Variants in LINGO2 observed in about 807,000 individuals in gnomAD.
LINGO2 encodes the protein leucine-rich repeat and immunoglobulin-like domain-containing nogo receptor-interacting protein 2.
In LINGO2, 14 loss-of-function variants were observed where a neutral mutation model predicts 30.6. The ratio of observed to expected loss-of-function variants is 0.46; its 90% CI spans 0.30 to 0.72. The LOEUF is 0.72. LINGO2 is among the 30% of genes least tolerant of loss of function. LINGO2 has a pLI of 0.07. For missense variants in LINGO2, 729 were observed against 751.7 expected (o/e 0.97, Z 0.35); for synonymous variants, 317 against 288.5 (o/e 1.10, Z -1.00).
At chr9:29,055,423 T>TCACCA in the LINGO2 span, among the ~76,000 whole-genome samples, 14 of 152,216 alleles carry the variant, frequency 9.2e-5, no homozygotes, top group African/African-American at 3.4e-4. Context: ...TCCGTGCATA[T>TCACCA]CACCACATTT....
At chr9:28,219,489 C>T (rs1820884632) in intron 4 of LINGO2, among the ~76,000 whole-genome samples, 1 of 152,094 alleles carries the variant, frequency 6.6e-6, no homozygotes, top group Admixed American at 6.6e-5. Flanking sequence ...ATTGTCAATA[C>T]ATTTATTTCT....
chr9:28,122,414 G>C lies in LINGO2; in HGVS notation c.-86-110009C>G, dbSNP rs148324852. ...GGGCTTCACTACATTCCAAATAAAT[G>C]AAAAATCTTATTGAAACTCACATCT... is the stretch of plus-strand genomic sequence containing the variant. On this transcript the variant is annotated intron_variant, in intron 4 of 5. Coordinates refer to ENST00000379992, the Ensembl canonical transcript of LINGO2. 5.9e-5 allele frequency among the ~76,000 whole-genome samples: 9 copies of C among 152,230 alleles called. No individual in the cohort carries two copies. The East Asian group carries it at 1.7e-3, about 29-fold the overall frequency.
the LINGO2 span, among the ~76,000 whole-genome samples, chr9:28,706,295 A>G: frequency 6.6e-6 from 1 of 152,164 alleles, no homozygotes; most frequent in Non-Finnish European, 1.5e-5. Context: ...CTGCATAAAC[A>G]ACAAAGGCAT....
At chr9:28,053,858 G>A (rs1043712673) in intron 4 of LINGO2, among the ~76,000 whole-genome samples, 1 of 152,062 alleles carries the variant, frequency 6.6e-6, no homozygotes, top group Admixed American at 6.6e-5. Context: ...CTCTAATTGG[G>A]AACACAGCTC....
At chr9:28,367,927 CA>C (rs1820740715) in intron 3 of LINGO2, among the ~76,000 whole-genome samples, 1 of 151,744 alleles carries the variant, frequency 6.6e-6, no homozygotes, top group African/African-American at 2.4e-5. Flanking sequence ...TCATTTTTTT[CA>C]ACTTTCTGGA....
intron 4 of LINGO2, among the ~76,000 whole-genome samples, chr9:28,093,530 T>G (rs958370172): frequency 4.0e-5 from 6 of 149,222 alleles, no homozygotes; most frequent in Non-Finnish European, 7.5e-5. Flanking sequence ...TAAACATTAG[T>G]TTTTTTTTTA....
At chr9:28,548,476 C>T (rs567126230) in intron 1 of LINGO2, among the ~76,000 whole-genome samples, 8 of 151,852 alleles carry the variant, frequency 5.3e-5, no homozygotes, top group South Asian at 2.1e-4. Context: ...GAGGCCGAGA[C>T]GGGTGGTTCA....
chr9:28,870,846 G>A, the LINGO2 span, among the ~76,000 whole-genome samples: 1 of 151,904 alleles, frequency 6.6e-6, no homozygotes, highest in South Asian at 2.1e-4. Flanking sequence ...AATGAAAACA[G>A]CATCAAGATA....
the LINGO2 span, among the ~76,000 whole-genome samples, chr9:28,681,776 A>T: frequency 6.6e-6 from 1 of 152,116 alleles, no homozygotes; most frequent in Non-Finnish European, 1.5e-5. Flanking sequence ...ACTATTACTG[A>T]GTACTAAGTA....
rs201082450 is a variant in LINGO2 at position 28,355,349 on chromosome 9, C to G, written c.-246+17487G>C. Among the ~76,000 whole-genome samples the G allele has an allele frequency of 8.1e-3, 1,125 of 138,766 alleles. 25 individuals carry two copies. The highest frequency in any genetic ancestry group is 0.029 in the African/African-American group (1,057 of 36,262). The allele number at this position is 138,766 out of a possible 152,430, so 91.0% of individuals were successfully genotyped here. ...TCTGTCTCTGTCTCTCTCTCTCTCT[C>G]TCTCTCCCTCCCTCTGTGTGTGTGT... On this transcript the variant is annotated intron_variant, in intron 3 of 5. Transcript: ENST00000379992.
At chr9:28,862,816 ATTT>A in the LINGO2 span, among the ~76,000 whole-genome samples, 1 of 152,160 alleles carries the variant, frequency 6.6e-6, no homozygotes, top group Non-Finnish European at 1.5e-5. Flanking sequence ...CAAAATGACT[ATTT>A]GAAAGCTTAA....
At chr9:28,402,194 T>C (rs962770706) in intron 2 of LINGO2, among the ~76,000 whole-genome samples, 11 of 137,028 alleles carry the variant, frequency 8.0e-5, no homozygotes, top group African/African-American at 3.0e-4. Flanking sequence ...TGAGTACTTA[T>C]AGCCACACAA....
the LINGO2 span, among the ~76,000 whole-genome samples, chr9:29,188,506 T>C: frequency 2.0e-4 from 30 of 152,062 alleles, no homozygotes; most frequent in African/African-American, 7.2e-4. Flanking sequence ...CCCCGATTTC[T>C]CAATCTTTTC....
chr9:28,684,891 A>T, the LINGO2 span, among the ~76,000 whole-genome samples: 2 of 151,986 alleles, frequency 1.3e-5, no homozygotes, highest in South Asian at 4.1e-4. Flanking sequence ...GGTAAATTGC[A>T]TGTTGCGTGG....
the LINGO2 span, among the ~76,000 whole-genome samples, chr9:28,677,155 G>A: frequency 1.3e-5 from 2 of 152,122 alleles, no homozygotes; most frequent in African/African-American, 4.8e-5. Context: ...GTGGCACAGA[G>A]GGATTAACTA....
At chr9:28,154,050 G>T (rs914683590) in intron 4 of LINGO2, among the ~76,000 whole-genome samples, 2 of 152,018 alleles carry the variant, frequency 1.3e-5, no homozygotes, top group African/African-American at 4.8e-5. Flanking sequence ...GGAGAATCAA[G>T]ACTTGAACTT....
intron 4 of LINGO2, among the ~76,000 whole-genome samples, chr9:28,055,642 T>C (rs1393839989): frequency 5.9e-5 from 9 of 152,170 alleles, no homozygotes; most frequent in African/African-American, 9.7e-5. Context: ...GGCGTCTTGC[T>C]ATTAAGTTTG....
chr9:28,583,893 C>T (rs1413466685), intron 1 of LINGO2, among the ~76,000 whole-genome samples: 1 of 151,934 alleles, frequency 6.6e-6, no homozygotes, highest in Non-Finnish European at 1.5e-5. Flanking sequence ...AAGGTTCTTC[C>T]CTATTGAATG....
At chr9:28,543,978 G>A (rs1821819689) in intron 1 of LINGO2, among the ~76,000 whole-genome samples, 1 of 152,036 alleles carries the variant, frequency 6.6e-6, no homozygotes, top group African/African-American at 2.4e-5. Flanking sequence ...GCCGAGGCAA[G>A]CGGATCACTT....
Sources: allele counts gnomAD v4.1 joint callset (sites outside exome capture counted in the v4.1 genomes callset), GRCh38; gene constraint gnomAD v4.1.1; transcripts MANE v1.5; gene names NCBI Gene and HGNC (gene_info 2026-07-23, HGNC 2026-07-21).